Variants in STAC observed in about 807,000 individuals in gnomAD.
STAC encodes the protein SH3 and cysteine rich domain.
A neutral mutation model predicts 48.8 loss-of-function variants in STAC; 43 were observed. The ratio of observed to expected loss-of-function variants is 0.88; its 90% CI spans 0.69 to 1.14. STAC has a LOEUF of 1.14. Ranked by LOEUF, STAC falls within the 50% of genes most tolerant of loss-of-function variation. The pLI, the probability that STAC is intolerant of heterozygous loss-of-function variation, is 0.00. For synonymous variants in STAC, 193 were observed against 179.5 expected (o/e 1.07, Z -0.60); for missense variants, 497 against 504.0 (o/e 0.99, Z 0.13).
At chr3:36,484,723 A>T (rs1377799914) in intron 3 of STAC, among the ~76,000 whole-genome samples, 3 of 152,216 alleles carry the variant, frequency 2.0e-5, no homozygotes, top group Non-Finnish European at 4.4e-5. Context: ...CAGGAGGAGG[A>T]CAGACACGAC....
At chr3:36,449,808 C>A (rs541760042) in intron 2 of STAC, among the ~76,000 whole-genome samples, 26 of 152,244 alleles carry the variant, frequency 1.7e-4, no homozygotes, top group African/African-American at 6.3e-4. Flanking sequence ...TGGAGCATTG[C>A]GTGTCATCTT....
chr3:36,464,175 C>T (rs895792062), intron 2 of STAC, among the ~76,000 whole-genome samples: 1 of 152,218 alleles, frequency 6.6e-6, no homozygotes, highest in African/African-American at 2.4e-5. Context: ...TCCTCTCCAG[C>T]ACCTGTTGTT....
intron 2 of STAC, among the ~76,000 whole-genome samples, chr3:36,454,626 TAA>T (rs1302508050): frequency 6.6e-6 from 1 of 152,142 alleles, no homozygotes; most frequent in Non-Finnish European, 1.5e-5. Context: ...TCATGACTAT[TAA>T]GAATGAGAAA....
intron 5 of STAC, among the ~76,000 whole-genome samples, chr3:36,492,016 AAAAAAAAAAAAAAAAATATATATAT>A (rs1396814323): frequency 3.0e-5 from 1 of 33,166 alleles, no homozygotes; most frequent in Non-Finnish European, 6.4e-5. Flanking sequence ...AAAAAAAAAA[AAAAAAAAAAAAAAAAATATATATAT>A]ATATATATAT....
At chr3:36,437,644 G>A (rs1696184589) in intron 1 of STAC, among the ~76,000 whole-genome samples, 1 of 108,324 alleles carries the variant, frequency 9.2e-6, no homozygotes, top group Non-Finnish European at 1.8e-5. Context: ...GGGGGAGGGG[G>A]GAGGGATAGC....
intron 1 of STAC, among the ~76,000 whole-genome samples, chr3:36,416,097 T>C (rs1287025635): frequency 1.3e-5 from 2 of 152,234 alleles, no homozygotes; most frequent in Non-Finnish European, 1.5e-5. Context: ...ATAATTTTTA[T>C]TGCAGATGTT....
chr3:36,512,583 G>A (rs1698569191), intron 8 of STAC, among the ~76,000 whole-genome samples: 1 of 152,090 alleles, frequency 6.6e-6, no homozygotes, highest in Non-Finnish European at 1.5e-5. Context: ...CTGGGATAAT[G>A]AGGAATGATG....
chr3:36,426,338 C>T (rs771779387), intron 1 of STAC, among the ~76,000 whole-genome samples: 8 of 152,198 alleles, frequency 5.3e-5, no homozygotes. Flanking sequence ...TCAAGGAAAG[C>T]ATCAGATGAG....
At chr3:36,426,726 C>G (rs1447326488) in intron 1 of STAC, among the ~76,000 whole-genome samples, 1 of 152,142 alleles carries the variant, frequency 6.6e-6, no homozygotes. Context: ...TATATGAAAA[C>G]AAGTTTTTAA....
intron 1 of STAC, among the ~76,000 whole-genome samples, chr3:36,424,803 T>C (rs1381588515): frequency 6.6e-6 from 1 of 152,028 alleles, no homozygotes; most frequent in East Asian, 1.9e-4. Context: ...ACAAAATAAA[T>C]AATGATAATG....
At chr3:36,540,623 G>C (rs1291792734) in intron 10 of STAC, among the ~76,000 whole-genome samples, 1 of 152,178 alleles carries the variant, frequency 6.6e-6, no homozygotes, top group Admixed American at 6.5e-5. Context: ...ACAAGCCAGA[G>C]GATGAGGGTG....
chr3:36,476,629 G>A lies in STAC; in HGVS notation c.389-6363G>A, dbSNP rs376594260. 1.1e-4 allele frequency among the ~76,000 whole-genome samples: 16 copies of A among 152,268 alleles called. No homozygotes were observed. The East Asian group carries it at 2.5e-3, about 24-fold the overall frequency. On this transcript the variant is annotated intron_variant, in intron 2 of 10. Transcript: ENST00000273183. ...CTTCCTTGTGTTAGTGTATATTCAAGGACAAACCGCTGATGAATAGAGCTA... is the reference window on the plus strand; with the variant it reads ...CTTCCTTGTGTTAGTGTATATTCAAAGACAAACCGCTGATGAATAGAGCTA...
At chr3:36,400,126 G>C (rs1382676071) in intron 1 of STAC, among the ~76,000 whole-genome samples, 1 of 152,190 alleles carries the variant, frequency 6.6e-6, no homozygotes, top group South Asian at 2.1e-4. Flanking sequence ...CATCCCCTGC[G>C]AGTTTCTCAG....
chr3:36,529,894 G>C (rs1699023758), intron 10 of STAC, among the ~76,000 whole-genome samples: 1 of 152,056 alleles, frequency 6.6e-6, no homozygotes, highest in African/African-American at 2.4e-5. Flanking sequence ...GGCCGAGGAG[G>C]GCAGATCACG....
chr3:36,417,984 G>C (rs1286169667), intron 1 of STAC, among the ~76,000 whole-genome samples: 2 of 152,042 alleles, frequency 1.3e-5, no homozygotes, highest in African/African-American at 4.8e-5. Context: ...TATGAGTGAA[G>C]GTTCTCAAAT....
At chr3:36,531,096 T>A (rs1699055668) in intron 10 of STAC, among the ~76,000 whole-genome samples, 2 of 152,188 alleles carry the variant, frequency 1.3e-5, no homozygotes, top group African/African-American at 4.8e-5. Flanking sequence ...AAGGTGGAGA[T>A]GGAGTCATTG....
intron 1 of STAC, among the ~76,000 whole-genome samples, chr3:36,429,733 G>A (rs1033109649): frequency 6.6e-6 from 1 of 152,058 alleles, no homozygotes; most frequent in African/African-American, 2.4e-5. Context: ...CAGGCCTCAG[G>A]GTCCACAGGA....
At chr3:36,453,404 G>C (rs1275111495) in intron 2 of STAC, among the ~76,000 whole-genome samples, 1 of 152,214 alleles carries the variant, frequency 6.6e-6, no homozygotes. Context: ...CGTGAGTTCC[G>C]GGTGGGCGTG....
chr3:36,480,203 CG>C (rs1429981680), intron 2 of STAC, among the ~76,000 whole-genome samples: 1 of 152,042 alleles, frequency 6.6e-6, no homozygotes, highest in Non-Finnish European at 1.5e-5. Flanking sequence ...AATTTGAAAA[CG>C]AAAAGTAAGT....
Sources: gnomAD v4.1 joint callset for allele counts (sites outside exome capture counted in the v4.1 genomes callset) on GRCh38, gnomAD v4.1.1 for gene constraint, MANE v1.5 for transcripts, NCBI Gene and HGNC (gene_info 2026-07-23, HGNC 2026-07-21) for gene names.